SLC39A14: variants seen among roughly 807,000 people sequenced by gnomAD.
SLC39A14 encodes the protein solute carrier family 39 member 14.
SLC39A14 carries 19 observed loss-of-function variants against 45.5 expected under a neutral mutation model. That is an observed-to-expected ratio of 0.42 (90% CI 0.29 to 0.61). SLC39A14 has a LOEUF of 0.61. Ranked by LOEUF, SLC39A14 falls within the 20% of genes least tolerant of loss-of-function variation. SLC39A14 has a pLI of 0.22. For missense variants in SLC39A14, 447 were observed against 616.5 expected, an observed-to-expected ratio of 0.73 and a Z score of 2.91; for synonymous variants, 264 against 251.3, an observed-to-expected ratio of 1.05 and a Z score of -0.48.
chr8:22,412,145 A>G lies in SLC39A14; in HGVS notation c.566A>G (p.Tyr189Cys). The part of the protein sequence containing the change: ...KKTFYKRLLL[Y>C]FIALAIGTLY... ...ACCTTTTACAAGAGGCTGCTGCTCTACTTCATAGCTCTGGCGATTGGAACC... is the reference window on the plus strand; with the variant it reads ...ACCTTTTACAAGAGGCTGCTGCTCTGCTTCATAGCTCTGGCGATTGGAACC... The change falls in exon 4 of 9, where the codon TAC becomes TGC. Residue 189 changes from tyrosine to cysteine, a missense_variant. By Grantham distance (194) the Tyr-to-Cys change is radical. Transcript: ENST00000381237. The G allele has an allele frequency of 2.6e-6, 4 of 1,551,666 alleles. No individual in the cohort carries two copies. Among genetic ancestry groups the G allele is most frequent in the Non-Finnish European group, 3.5e-6 (4 of 1,146,986 alleles).
At chr8:22,391,287 C>T (rs1834058238) in intron 1 of SLC39A14, among the ~76,000 whole-genome samples, 2 of 152,186 alleles carry the variant, frequency 1.3e-5, no homozygotes, top group African/African-American at 4.8e-5. Flanking sequence ...GTGCTAGGTC[C>T]TTTGCATCCC....
intron 1 of SLC39A14, among the ~76,000 whole-genome samples, chr8:22,396,322 A>ATGC (rs1834380680): frequency 6.8e-6 from 1 of 146,662 alleles, no homozygotes; most frequent in Non-Finnish European, 1.5e-5. Context: ...AGCCGAGATC[A>ATGC]CGCCACTGCA....
intron 1 of SLC39A14, among the ~76,000 whole-genome samples, chr8:22,384,497 C>T (rs529337396): frequency 6.6e-6 from 1 of 151,496 alleles, no homozygotes; most frequent in South Asian, 2.1e-4. Context: ...CCTGTAATCC[C>T]AGCACTTTGA....
rs777917670 is a variant in SLC39A14, at chr8:22,415,748, C to A, written c.751-21C>A. 5 of 1,602,286 alleles carry A rather than the reference C, an allele frequency of 3.1e-6. 1 individual carries two copies. In the South Asian group the frequency reaches 5.6e-5, roughly 18 times the overall value. ...TGGTTTTGGTGAATGTCATGCTGATCCCTCCCTGTCACCCTTCCAGCATCA... is the reference window on the plus strand; with the variant it reads ...TGGTTTTGGTGAATGTCATGCTGATACCTCCCTGTCACCCTTCCAGCATCA... On this transcript the variant is annotated intron_variant, in intron 5 of 8. Coordinates refer to ENST00000381237, the MANE Select transcript of SLC39A14 (RefSeq NM_001128431.4).
Position 22,421,753 on chromosome 8 carries a change from A to G in SLC39A14, c.*2055A>G. On this transcript the variant is annotated 3_prime_UTR_variant, in exon 9 of 9. Coordinates refer to ENST00000381237, the MANE Select transcript of SLC39A14 (RefSeq NM_001128431.4). ...ATAGATCCTATCATTCCTTAAACAT[A>G]ATACCCTTTGTCTTGGAGTAGAATA... 4 of 984,170 alleles carry G rather than the reference A, an allele frequency of 4.1e-6. No individual in the cohort carries two copies. In the South Asian group the frequency reaches 1.9e-4, roughly 46 times the overall value. The allele number at this position is 984,170 out of a possible 1,614,324, so 61.0% of individuals were successfully genotyped here. A position where few individuals can be genotyped will look rare whatever the true frequency, so the allele number is the denominator to read the frequency against.
chr8:22,414,233 C>T (rs1341129472), intron 4 of SLC39A14, among the ~76,000 whole-genome samples: 1 of 152,142 alleles, frequency 6.6e-6, no homozygotes, highest in South Asian at 2.1e-4. Flanking sequence ...AATTGACGCT[C>T]GCAATAACAC....
chr8:22,373,091 G>A (rs984353629), intron 1 of SLC39A14, among the ~76,000 whole-genome samples: 3 of 151,750 alleles, frequency 2.0e-5, no homozygotes, highest in Admixed American at 1.3e-4. Context: ...GTGAAACCTC[G>A]TCTCTACTAA....
chr8:22,399,761 C>G (rs1834747785), intron 1 of SLC39A14, among the ~76,000 whole-genome samples: 1 of 152,234 alleles, frequency 6.6e-6, no homozygotes, highest in South Asian at 2.1e-4. Context: ...GCCGCTGGGT[C>G]TGGGAAAAGT....
intron 4 of SLC39A14, 138 bp downstream of exon 4, chr8:22,412,344 T>A: frequency 2.2e-6 from 2 of 895,388 alleles, no homozygotes; most frequent in Non-Finnish European, 3.3e-6. Context: ...AGGCGTGAAC[T>A]AGGAGAGGCA....
rs572585100 is a variant in SLC39A14, at chr8:22,389,323, T to G, written c.-15-15373T>G. Reference sequence around the variant, plus strand: ...AACCGCACTTTGAGAACCCCTTTCCTGGAGAAATTACCACACAAGACTCTG... The same window carrying G: ...AACCGCACTTTGAGAACCCCTTTCCGGGAGAAATTACCACACAAGACTCTG... On this transcript the variant is annotated intron_variant, in intron 1 of 8. Transcript: ENST00000381237. Among the ~76,000 whole-genome samples, 5 of 152,258 alleles carry G rather than the reference T, an allele frequency of 3.3e-5. No individual in the cohort carries two copies. The East Asian group carries it at 9.7e-4, about 29-fold the overall frequency.
chr8:22,395,860 C>T (rs1485901243), intron 1 of SLC39A14, among the ~76,000 whole-genome samples: 2 of 152,140 alleles, frequency 1.3e-5, no homozygotes, highest in Admixed American at 6.5e-5. Context: ...GTTCTGTTGG[C>T]TCTAAAATAA....
At position 22,422,218 on chromosome 8, in the gene SLC39A14, GT is replaced by G; in HGVS notation, c.*2522del. 1.0e-6 allele frequency: 1 copy of G among 985,450 alleles called. No individual in the cohort carries two copies. The highest frequency in any genetic ancestry group is 1.1e-4 in the East Asian group (1 of 8,822). The allele number at this position is 985,450 out of a possible 1,614,324, so 61.0% of individuals were successfully genotyped here. On this transcript the variant is annotated 3_prime_UTR_variant, in exon 9 of 9. Coordinates refer to ENST00000381237, the MANE Select transcript of SLC39A14 (RefSeq NM_001128431.4). ...CAGATGCACCAGCTCCTATTAATAA[GT>G]TAGCAAGGAAAGTGTATGTCACGTG... is the stretch of plus-strand genomic sequence containing the variant.
rs745566721 is a variant in SLC39A14, at chr8:22,408,486, C to T, written c.447C>T (p.Ser149=). The T allele has an allele frequency of 1.1e-5, 17 of 1,613,070 alleles. No homozygotes were observed. Among genetic ancestry groups the T allele is most frequent in the East Asian group, 2.2e-5 (1 of 44,868 alleles). The change falls in exon 3 of 9, where the codon AGC becomes AGT. Residue 149 remains serine (S), a synonymous_variant. Coordinates refer to ENST00000381237, the MANE Select transcript of SLC39A14 (RefSeq NM_001128431.4). ...AGCAGACGGAGGAGGGGCGGCCAAG[C>T]GCTGTTGAAGGTGAGCCAGGCCAGG... ...ENEQTEEGRP[S]AVEVWGYGLL...
chr8:22,373,468 A>G (rs1833041432), intron 1 of SLC39A14, among the ~76,000 whole-genome samples: 2 of 152,124 alleles, frequency 1.3e-5, no homozygotes, highest in Admixed American at 6.5e-5. Flanking sequence ...AATTGAGCTA[A>G]TCTCTGAGAC....
At chr8:22,403,010 T>A (rs1834972330) in intron 1 of SLC39A14, among the ~76,000 whole-genome samples, 1 of 152,166 alleles carries the variant, frequency 6.6e-6, no homozygotes, top group African/African-American at 2.4e-5. Flanking sequence ...AGAGTCTCGC[T>A]CTGCCGCCCA....
Position 22,372,654 on chromosome 8 carries a change from A to C in SLC39A14, c.-16+5246A>C, listed in dbSNP as rs146591581. Among the ~76,000 whole-genome samples, 389 of 152,332 alleles carry C rather than the reference A, an allele frequency of 2.6e-3. 1 individual carries two copies. Among genetic ancestry groups the C allele is most frequent in the African/African-American group, 7.8e-3 (324 of 41,562 alleles). ...AGTTACTGCTTTTATGTACATACCT[A>C]GTTTAATTTCAGCTTTTTATTATTT... On this transcript the variant is annotated intron_variant, in intron 1 of 8. Coordinates refer to ENST00000381237, the MANE Select transcript of SLC39A14 (RefSeq NM_001128431.4).
At chr8:22,376,394 G>A (rs1347541684) in intron 1 of SLC39A14, among the ~76,000 whole-genome samples, 1 of 148,844 alleles carries the variant, frequency 6.7e-6, no homozygotes, top group African/African-American at 2.5e-5. Context: ...TGTTGTCCAG[G>A]CTAGTCTTGA....
At position 22,421,129 on chromosome 8, in the gene SLC39A14, C is replaced by G; in HGVS notation, c.*1431C>G. On this transcript the variant is annotated 3_prime_UTR_variant, in exon 9 of 9. Transcript: ENST00000381237. ...TCTTTAGCCACTTTGGGGAGCCTGT[C>G]TCTCCAGAAGCCTTTCTTAGTGGTG... 2 of 985,850 alleles carry G rather than the reference C, an allele frequency of 2.0e-6. No individual in the cohort carries two copies. The highest frequency in any genetic ancestry group is 4.7e-5 in the South Asian group (1 of 21,288). 61.1% of individuals were successfully genotyped at this position (985,850 alleles called of 1,614,324 possible).
At chr8:22,403,272 G>A (rs931893020) in intron 1 of SLC39A14, among the ~76,000 whole-genome samples, 4 of 134,014 alleles carry the variant, frequency 3.0e-5, no homozygotes, top group Admixed American at 8.0e-5. Flanking sequence ...CACTGCGCCC[G>A]GCCTATTTAT....
Sources: gnomAD v4.1 joint callset for allele counts (sites outside exome capture counted in the v4.1 genomes callset) on GRCh38, gnomAD v4.1.1 for gene constraint, MANE v1.5 for transcripts, NCBI Gene and HGNC (gene_info 2026-07-23, HGNC 2026-07-21) for gene names.